GRIP2: variants seen among roughly 807,000 people sequenced by gnomAD.
The protein encoded by GRIP2 is glutamate receptor interacting protein 2, also known as glutamate receptor-interacting protein 2.
A neutral mutation model predicts 108.3 loss-of-function variants in GRIP2; 58 were observed. The ratio of observed to expected loss-of-function variants is 0.54; its 90% CI spans 0.43 to 0.67. The LOEUF (loss-of-function observed/expected upper bound fraction) is 0.67, where lower values mean the gene tolerates loss of function less well. Ranked by LOEUF, GRIP2 falls within the 30% of genes least tolerant of loss-of-function variation. The probability of loss-of-function intolerance (pLI) is 0.00; values close to 1 mark genes in which losing one functional copy is unlikely to be tolerated. For synonymous variants in GRIP2, 586 were observed against 598.2 expected (o/e 0.98, Z 0.30); for missense variants, 1,278 against 1,430.6 (o/e 0.89, Z 1.72).
the GRIP2 span, among the ~76,000 whole-genome samples, chr3:14,569,981 CTG>C: frequency 6.6e-5 from 10 of 152,144 alleles, no homozygotes; most frequent in Non-Finnish European, 1.0e-4. Context: ...GTGGAGGAAA[CTG>C]AGGCTCGGAG....
the GRIP2 span, among the ~76,000 whole-genome samples, chr3:14,564,515 C>CT: frequency 9.9e-5 from 15 of 152,260 alleles, no homozygotes; most frequent in Non-Finnish European, 1.8e-4. Context: ...TCCCATGCTG[C>CT]TTAGCCATCC....
At chr3:14,584,365 T>C in the GRIP2 span, among the ~76,000 whole-genome samples, 1 of 152,016 alleles carries the variant, frequency 6.6e-6, no homozygotes, top group Non-Finnish European at 1.5e-5. Context: ...AAGTCCTGAG[T>C]GTCCTTCAAG....
the GRIP2 span, among the ~76,000 whole-genome samples, chr3:14,575,364 T>C: frequency 6.6e-6 from 1 of 152,150 alleles, no homozygotes; most frequent in African/African-American, 2.4e-5. Flanking sequence ...GGGGCCACAC[T>C]GGGGTCTAAG....
chr3:14,525,662 G>A (rs1694534699), intron 2 of GRIP2, 90 bp from the exon 3 acceptor site: 2 of 1,501,734 alleles, frequency 1.3e-6, no homozygotes, highest in Admixed American at 3.5e-5. Flanking sequence ...GCACCTGGTT[G>A]GTAGGGCACT....
intron 5 of GRIP2, chr3:14,523,382 G>A: frequency 1.7e-6 from 1 of 582,210 alleles, no homozygotes; most frequent in Non-Finnish European, 3.1e-6. Flanking sequence ...CTCGGTAGCA[G>A]CTTTCACCAT....
At chr3:14,539,896 G>A (rs532919403) in intron 1 of GRIP2, among the ~76,000 whole-genome samples, 39 of 152,246 alleles carry the variant, frequency 2.6e-4, no homozygotes, top group African/African-American at 9.4e-4. Context: ...TCACCCCTCT[G>A]GGTCGGACAC....
chr3:14,525,668 G>T, intron 2 of GRIP2, 96 bp from the exon 3 acceptor site: 4 of 1,454,782 alleles, frequency 2.7e-6, no homozygotes, highest in Non-Finnish European at 3.8e-6. Flanking sequence ...GGTTGGTAGG[G>T]CACTCTGCTG....
the GRIP2 span, among the ~76,000 whole-genome samples, chr3:14,563,075 C>T: frequency 6.6e-6 from 1 of 152,056 alleles, no homozygotes; most frequent in African/African-American, 2.4e-5. Context: ...GACTGATCAA[C>T]CAAATGTGGC....
intron 1 of GRIP2, among the ~76,000 whole-genome samples, chr3:14,555,437 G>A (rs932189723): frequency 1.3e-5 from 2 of 152,154 alleles, no homozygotes; most frequent in African/African-American, 4.8e-5. Flanking sequence ...GAGACCCAGG[G>A]AGAGACAGTG....
chr3:14,509,980 C>A lies in GRIP2; in HGVS notation c.1934-16G>T. The A allele has an allele frequency of 6.8e-7, 1 of 1,465,200 alleles. No homozygotes were observed. Among genetic ancestry groups the A allele is most frequent in the Non-Finnish European group, 9.1e-7 (1 of 1,099,558 alleles). 90.8% of individuals were successfully genotyped at this position (1,465,200 alleles called of 1,614,324 possible). ...TCCAGCTCATCTGCAAGCACGGGGA[C>A]CCATGAGGAGGAGGCCCCCGAGGGG... is the stretch of plus-strand genomic sequence containing the variant. On this transcript the variant is annotated splice_polypyrimidine_tract_variant and intron_variant, in intron 16 of 23. Transcript: ENST00000621039.
chr3:14,547,785 T>C lies in GRIP2; in HGVS notation c.55+8115A>G, dbSNP rs560447497. On this transcript the variant is annotated intron_variant, in intron 1 of 23. Transcript: ENST00000637182. ...ACATGGAAATAAATGGACAAAGCTA[T>C]TGGGGCTCAGCTCCAGGAAAAAGCA... 9.2e-5 allele frequency among the ~76,000 whole-genome samples: 14 copies of C among 152,290 alleles called. No homozygotes were observed. In the South Asian group the frequency reaches 1.4e-3, roughly 16 times the overall value.
rs76890120 is a variant in GRIP2 at position 14,550,603 on chromosome 3, G to A, written c.55+5297C>T. Among the ~76,000 whole-genome samples the A allele has an allele frequency of 3.2e-3, 492 of 152,268 alleles. 3 individuals carry two copies. Among genetic ancestry groups the A allele is most frequent in the South Asian group, 0.016 (75 of 4,832 alleles). On this transcript the variant is annotated intron_variant, in intron 1 of 23. Coordinates refer to the GRIP2 transcript ENST00000637182. ...TGGCTGGATGACCTTGGGCAAAACC[G>A]GCCTCAATCTCCTCATGCATAAAAT...
the GRIP2 span, among the ~76,000 whole-genome samples, chr3:14,590,676 T>A: frequency 6.6e-6 from 1 of 152,212 alleles, no homozygotes; most frequent in East Asian, 1.9e-4. Flanking sequence ...TCACTCTTGC[T>A]TGAAAACCTT....
intron 17 of GRIP2, among the ~76,000 whole-genome samples, chr3:14,509,576 C>T (rs1267377327): frequency 2.0e-5 from 3 of 152,252 alleles, no homozygotes; most frequent in African/African-American, 7.2e-5. Context: ...ACACCTTGGC[C>T]CAGTGCTTAC....
the GRIP2 span, among the ~76,000 whole-genome samples, chr3:14,565,501 C>G: frequency 1.4e-4 from 22 of 152,286 alleles, no homozygotes; most frequent in South Asian, 2.3e-3. Flanking sequence ...CAACAAGAAC[C>G]AACCCGCACA....
chr3:14,589,187 G>C, the GRIP2 span, among the ~76,000 whole-genome samples: 2 of 151,474 alleles, frequency 1.3e-5, no homozygotes, highest in African/African-American at 4.8e-5. Context: ...GGGTGCACTG[G>C]GGACGTCTTT....
At chr3:14,504,319 T>G (rs1693857120) in intron 20 of GRIP2, among the ~76,000 whole-genome samples, 2 of 149,898 alleles carry the variant, frequency 1.3e-5, no homozygotes, top group African/African-American at 2.5e-5. Context: ...GTTTTTTTTT[T>G]TTTTTTTTTT....
chr3:14,501,787 A>G (rs892363818), intron 21 of GRIP2, among the ~76,000 whole-genome samples: 2 of 152,336 alleles, frequency 1.3e-5, no homozygotes, highest in Middle Eastern at 3.4e-3. Context: ...TTTGCACCAT[A>G]CACACATATC....
At chr3:14,542,362 C>CTCCAGATA (rs1694990758), upstream of GRIP2, among the ~76,000 whole-genome samples, 1 of 152,030 alleles carries the variant, frequency 6.6e-6, no homozygotes. Flanking sequence ...ACCATGTTGC[C>CTCCAGATA]CAGGCTGGTC....
Sources: gnomAD v4.1 joint callset for allele counts (sites outside exome capture counted in the v4.1 genomes callset) on GRCh38, gnomAD v4.1.1 for gene constraint, MANE v1.5 for transcripts, NCBI Gene and HGNC (gene_info 2026-07-23, HGNC 2026-07-21) for gene names.